PLEKHA6: variants seen among roughly 807,000 people sequenced by gnomAD.
PLEKHA6 encodes the protein pleckstrin homology domain-containing family A member 6.
Under a neutral mutation model 116.7 loss-of-function variants are expected in PLEKHA6, and 60 were observed. The ratio of observed to expected loss-of-function variants is 0.51; its 90% CI spans 0.42 to 0.64. The LOEUF (loss-of-function observed/expected upper bound fraction) is 0.64. PLEKHA6 is among the 30% of genes least tolerant of loss of function. The pLI is 0.00. For synonymous variants in PLEKHA6, 489 were observed against 556.1 expected (o/e 0.88, Z 1.70); for missense variants, 1,338 against 1,422.7 (o/e 0.94, Z 0.96).
At position 204,259,692 on chromosome 1, in the gene PLEKHA6, C is replaced by A; in HGVS notation, c.573G>T (p.Gln191His). The A allele has an allele frequency of 6.2e-7, 1 of 1,613,838 alleles. No homozygotes were observed. Among genetic ancestry groups the A allele is most frequent in the South Asian group, 1.1e-5 (1 of 91,054 alleles). ...SENVPPSKHHQQPPHNSLPKP... is the reference protein window; with the variant it reads ...SENVPPSKHHHQPPHNSLPKP... ...TAGGGAGGCTGTTGTGGGGTGGCTGCTGGTGGTGCTTGCTGGGTGGGACGT... is the reference window on the plus strand; with the variant it reads ...TAGGGAGGCTGTTGTGGGGTGGCTGATGGTGGTGCTTGCTGGGTGGGACGT... The change falls in exon 8 of 23, where the codon CAG becomes CAT. Residue 191 changes from glutamine to histidine, a missense_variant. Physicochemically the swap from Gln to His is conservative, Grantham distance 24. This residue lies in a region of PLEKHA6 where 1,136 missense variants were observed against 1,163.6 expected (regional missense o/e 0.98). Coordinates refer to ENST00000272203, the MANE Select transcript of PLEKHA6 (RefSeq NM_014935.5). The surrounding 1 kb of genome is among the most constrained non-coding windows in gnomAD (Gnocchi z 4.6).
At chr1:204,364,458 T>C (rs117701818), upstream of PLEKHA6, among the ~76,000 whole-genome samples, 113 of 152,322 alleles carry the variant, frequency 7.4e-4, 1 homozygote, top group East Asian at 0.02. Context: ...CATTGAGTAA[T>C]ACATACGAAG....
intron 1 of PLEKHA6, among the ~76,000 whole-genome samples, chr1:204,358,188 A>C (rs536890917): frequency 5.9e-5 from 9 of 152,210 alleles, no homozygotes; most frequent in African/African-American, 1.9e-4. Flanking sequence ...TTAATAATTC[A>C]TATCTGTGGC....
intron 1 of PLEKHA6, among the ~76,000 whole-genome samples, chr1:204,295,489 CAA>C (rs11422057): frequency 1.6e-5 from 2 of 122,194 alleles, no homozygotes; most frequent in Admixed American, 8.2e-5. Flanking sequence ...GATGCCATCT[CAA>C]AAAAAAAAAA....
At chr1:204,287,617 C>T (rs1669331956) in intron 1 of PLEKHA6, among the ~76,000 whole-genome samples, 2 of 152,176 alleles carry the variant, frequency 1.3e-5, no homozygotes, top group Non-Finnish European at 2.9e-5. Context: ...CTCACCACAC[C>T]TGACTCTGCT....
In PLEKHA6 at chr1:204,373,235, T is replaced by C. The variant is rs556233514; in HGVS notation, c.84-1629A>G. Reference sequence around the variant, plus strand: ...ACCCAAGTAGCTAGAGTTACAGGCATGCAACACCACGCCTGGCTAATTTTT... The same window carrying C: ...ACCCAAGTAGCTAGAGTTACAGGCACGCAACACCACGCCTGGCTAATTTTT... On this transcript the variant is annotated intron_variant, in intron 1 of 4. Transcript: ENST00000564627. 2.6e-5 allele frequency among the ~76,000 whole-genome samples: 4 copies of C among 152,218 alleles called. 1 individual carries two copies. The highest frequency in any genetic ancestry group is 7.2e-5 in the African/African-American group (3 of 41,538).
Position 204,257,514 on chromosome 1 carries a change from A to C in PLEKHA6, c.1363T>G (p.Ser455Ala). ...RRLSLQPRSH[S>A]VPRSPSQGSY... ...CCCTGGCTGGGTGAGCGGGGCACAG[A>C]GTGGGAGCGGGGCTGCAGGGACAGG... is the stretch of plus-strand genomic sequence containing the variant. The change falls in exon 9 of 23, where the codon TCT becomes GCT. Residue 455 changes from serine to alanine, a missense_variant. Around this residue, in one of 3 missense-constraint regions of PLEKHA6, gnomAD observed 1,136 missense variants for 1,163.6 expected, o/e 0.98. Transcript: ENST00000272203. The surrounding 1 kb of genome is among the most constrained non-coding windows in gnomAD (Gnocchi z 6.5). The C allele has an allele frequency of 6.3e-7, 1 of 1,590,336 alleles. No individual in the cohort carries two copies.
At position 204,223,240 on chromosome 1, in the gene PLEKHA6, C is replaced by T. The variant is rs1659861548; in HGVS notation, c.*8+222G>A. Among the ~76,000 whole-genome samples, 2 of 152,152 alleles carry T rather than the reference C, an allele frequency of 1.3e-5. No individual in the cohort carries two copies. The highest frequency in any genetic ancestry group is 4.8e-5 in the African/African-American group (2 of 41,440). On this transcript the variant is annotated intron_variant, in intron 22 of 22. Transcript: ENST00000272203. The surrounding 1 kb of genome is among the most constrained non-coding windows in gnomAD (Gnocchi z 4.8). ...GAAGCAAAGGCCATTGGCATCACAA[C>T]ATCCAAGAAGCGGCCCTGCCAGCTG...
rs1483880349 is a variant in PLEKHA6, at chr1:204,238,613, G to C, written c.2409+2762C>G. ...GAGCAGGTCCTGAAGGCACAAGTAA[G>C]TTACATGAGGAAGTGGCTCAAATGC... On this transcript the variant is annotated intron_variant, in intron 17 of 22. Transcript: ENST00000272203. The surrounding 1 kb of genome is among the most constrained non-coding windows in gnomAD (Gnocchi z 4.2). 6.6e-6 allele frequency among the ~76,000 whole-genome samples: 1 copy of C among 152,150 alleles called. No individual in the cohort carries two copies. Among genetic ancestry groups the C allele is most frequent in the Non-Finnish European group, 1.5e-5 (1 of 68,038 alleles).
chr1:204,371,607 C>T lies in PLEKHA6; in HGVS notation c.84-1G>A, dbSNP rs1673779953. On this transcript the variant is annotated splice_acceptor_variant, in intron 1 of 4. Coordinates refer to the PLEKHA6 transcript ENST00000564627. LOFTEE classifies it high-confidence loss of function. ...CCAGCTGGTTGACTTTTCCTCATCA[C>T]TGCAGAAAGATCAATAAGAAAGTGT... 6.6e-6 allele frequency: 1 copy of T among 152,246 alleles called. No individual in the cohort carries two copies. Among genetic ancestry groups the T allele is most frequent in the African/African-American group, 2.4e-5 (1 of 41,464 alleles). 9.4% of individuals were successfully genotyped at this position (152,246 alleles called of 1,614,324 possible). A position where few individuals can be genotyped will look rare whatever the true frequency, so the allele number is the denominator to read the frequency against.
At chr1:204,266,127 C>A (rs557454625) in intron 5 of PLEKHA6, among the ~76,000 whole-genome samples, 2 of 152,186 alleles carry the variant, frequency 1.3e-5, no homozygotes, top group African/African-American at 4.8e-5. Context: ...ATCACATCTA[C>A]ACGATACTTG....
rs376264156 is a variant in PLEKHA6, at chr1:204,273,622, T to C, written c.102+4A>G. 84 of 1,607,414 alleles carry C rather than the reference T, an allele frequency of 5.2e-5. No homozygotes were observed. Among genetic ancestry groups the C allele is most frequent in the Non-Finnish European group, 6.7e-5 (79 of 1,173,972 alleles). ...CAACAGCTTGCCTTGAGGGCTGGACTTACCCGGACGCTGGGCCGCTCTGGA... is the reference window on the plus strand; with the variant it reads ...CAACAGCTTGCCTTGAGGGCTGGACCTACCCGGACGCTGGGCCGCTCTGGA... On this transcript the variant is annotated splice_donor_region_variant and intron_variant, in intron 3 of 22. Coordinates refer to ENST00000272203, the MANE Select transcript of PLEKHA6 (RefSeq NM_014935.5).
intron 1 of PLEKHA6, among the ~76,000 whole-genome samples, chr1:204,322,229 A>G (rs957224942): frequency 6.6e-6 from 1 of 152,148 alleles, no homozygotes. Flanking sequence ...CCGCCCCCCT[A>G]CACACACCCC....
At chr1:204,377,332 G>A (rs1673887502) in intron 1 of PLEKHA6, among the ~76,000 whole-genome samples, 1 of 152,200 alleles carries the variant, frequency 6.6e-6, no homozygotes, top group Non-Finnish European at 1.5e-5. Flanking sequence ...GAGGGAGAAA[G>A]GGCAGCACTC....
intron 10 of PLEKHA6, 51 bp from the exon 11 acceptor site, chr1:204,249,315 A>G: frequency 7.6e-7 from 1 of 1,319,010 alleles, no homozygotes; most frequent in Non-Finnish European, 1.1e-6. Flanking sequence ...GGGATGAAGG[A>G]CATAGTTTGA....
At chr1:204,243,104 T>C (rs1292309553) in intron 15 of PLEKHA6, 1 of 398,582 alleles carries the variant, frequency 2.5e-6, no homozygotes, top group African/African-American at 2.1e-5. Flanking sequence ...GACCCAAGGG[T>C]GATGGGTACC....
At chr1:204,242,775 T>A (rs145469422) in intron 15 of PLEKHA6, among the ~76,000 whole-genome samples, 61 of 152,292 alleles carry the variant, frequency 4.0e-4, no homozygotes, top group African/African-American at 1.3e-3. Context: ...ATGGCACTGC[T>A]GAGAGTATCA....
chr1:204,305,982 C>A (rs1671260947), intron 1 of PLEKHA6, among the ~76,000 whole-genome samples: 1 of 152,156 alleles, frequency 6.6e-6, no homozygotes. Context: ...CTCACCTATT[C>A]TGGATTATAT....
Position 204,345,376 on chromosome 1 carries a change from G to A in PLEKHA6, c.-95+14318C>T, listed in dbSNP as rs556672059. 3.3e-5 allele frequency among the ~76,000 whole-genome samples: 5 copies of A among 152,152 alleles called. No homozygotes were observed. In the East Asian group the frequency reaches 9.7e-4, roughly 29 times the overall value. ...CTTGACCACACACAGCCCATCAGAA[G>A]GTGCCTGAGCTTCCCCTATGCCTGC... is the stretch of plus-strand genomic sequence containing the variant. On this transcript the variant is annotated intron_variant, in intron 1 of 22. Coordinates refer to ENST00000272203, the MANE Select transcript of PLEKHA6 (RefSeq NM_014935.5).
In PLEKHA6 at chr1:204,259,586, C is replaced by T. The variant is rs752205608; in HGVS notation, c.679G>A (p.Glu227Lys). The T allele has an allele frequency of 6.2e-7, 1 of 1,614,128 alleles. No individual in the cohort carries two copies. Among genetic ancestry groups the T allele is most frequent in the Admixed American group, 1.7e-5 (1 of 60,032 alleles). The change falls in exon 8 of 23, where the codon GAA (glutamate) becomes AAA (lysine). Residue 227 changes from glutamate to lysine, a missense_variant. By Grantham distance (56) the Glu-to-Lys change is moderately conservative (BLOSUM62 1). Transcript: ENST00000272203. The surrounding 1 kb of genome is among the most constrained non-coding windows in gnomAD (Gnocchi z 4.6). ...EKAERRPERP[E>K]VKKEPPVKAN... ...TTCACCGGAGGCTCTTTCTTGACTT[C>T]TGGCCTCTCAGGCCTTCTCTCTGCC... is the stretch of plus-strand genomic sequence containing the variant.
Sources: allele counts gnomAD v4.1 joint callset (sites outside exome capture counted in the v4.1 genomes callset), GRCh38; gene constraint gnomAD v4.1.1; regional missense constraint gnomAD v4.1.1; non-coding constraint Gnocchi (gnomAD v3.1); transcripts MANE v1.5; gene names NCBI Gene and HGNC (gene_info 2026-07-23, HGNC 2026-07-21).